Variants in HERC1 observed in about 807,000 individuals in gnomAD.
HERC1 encodes the protein probable E3 ubiquitin-protein ligase HERC1.
Under a neutral mutation model 554.3 loss-of-function variants are expected in HERC1, and 160 were observed. That is an observed-to-expected ratio of 0.29 (90% CI 0.25 to 0.33). The LOEUF is 0.33. Among genes scored for constraint, HERC1 ranks in the 10% least tolerant of loss-of-function variants. HERC1 has a pLI of 1.00. For missense variants in HERC1, 4,919 were observed against 5,918.5 expected (o/e 0.83, Z 5.54); for synonymous variants, 2,175 against 2,131.7 (o/e 1.02, Z -0.56).
At chr15:63,674,186 G>A (rs960002981) in intron 38 of HERC1, among the ~76,000 whole-genome samples, 156 bp downstream of exon 38, 1 of 145,682 alleles carries the variant, frequency 6.9e-6, no homozygotes, top group African/African-American at 2.5e-5. Flanking sequence ...TAATAAAAAA[G>A]AACTGTTTTC....
chr15:63,684,671 C>G (rs1024563816), intron 34 of HERC1, among the ~76,000 whole-genome samples: 1 of 152,102 alleles, frequency 6.6e-6, no homozygotes, highest in Non-Finnish European at 1.5e-5. Context: ...ATCTGTTTTT[C>G]AGAACTGTTC....
intron 76 of HERC1, among the ~76,000 whole-genome samples, chr15:63,613,609 T>G (rs2067695076): frequency 6.6e-6 from 1 of 152,130 alleles, no homozygotes; most frequent in South Asian, 2.1e-4. Flanking sequence ...TTTTACTATC[T>G]ATATGCATAT....
intron 19 of HERC1, among the ~76,000 whole-genome samples, chr15:63,722,852 T>G (rs576453584): frequency 7.2e-5 from 11 of 152,210 alleles, no homozygotes; most frequent in Non-Finnish European, 1.5e-4. Flanking sequence ...CGGTACTACC[T>G]GTGGTTTCAA....
chr15:63,683,135 C>CAAAAAAAA (rs1336396917), intron 34 of HERC1, among the ~76,000 whole-genome samples: 2 of 77,740 alleles, frequency 2.6e-5, no homozygotes, highest in Admixed American at 1.5e-4. Context: ...CACTCTGTCT[C>CAAAAAAAA]AAAAAAAAAA....
intron 8 of HERC1, among the ~76,000 whole-genome samples, chr15:63,750,958 C>G (rs977234254): frequency 6.6e-6 from 1 of 152,074 alleles, no homozygotes; most frequent in African/African-American, 2.4e-5. Context: ...AAAATGAGAA[C>G]ATATATTTGT....
At chr15:63,748,917 G>C (rs2075148717) in intron 10 of HERC1, among the ~76,000 whole-genome samples, 1 of 149,254 alleles carries the variant, frequency 6.7e-6, no homozygotes, top group African/African-American at 2.5e-5. Context: ...CTAAGTTTCT[G>C]CAAAAATTAA....
In HERC1 at chr15:63,641,551, C is replaced by T; in HGVS notation, c.11526G>A (p.Leu3842=). The T allele has an allele frequency of 6.2e-7, 1 of 1,612,236 alleles. No individual in the cohort carries two copies. Among genetic ancestry groups the T allele is most frequent in the Non-Finnish European group, 8.5e-7 (1 of 1,179,096 alleles). The change falls in exon 60 of 78, where the codon CTG becomes CTA. Residue 3842 remains leucine (L), a synonymous_variant. Transcript: ENST00000443617. ...TCATGCAGGGAGCCATGTTCAATCC[C>T]AGAACACCCTGCTGTTTCAATGCTG... ...CRTALKQQGV[L]GLNMAPCMRA... is the part of the protein sequence containing the mutation.
chr15:63,690,186 G>C (rs373656484), intron 32 of HERC1, among the ~76,000 whole-genome samples: 1 of 134,134 alleles, frequency 7.5e-6, no homozygotes, highest in South Asian at 2.4e-4. Context: ...AAAAAAAAAA[G>C]AAATATTAAC....
rs1442378251 is a variant in HERC1, at chr15:63,674,769, T to G, written c.7419A>C (p.Pro2473=). ...TTATTTGATGTTGGGATTCCACACT[T>G]GGCAGTGTTGGATCTAAAGAAAATG... ...IASFSLDPTL[P]SVESQHQITE... Residue 2473 remains proline, a synonymous_variant, in exon 38 of 78, where the codon CCA becomes CCC. Transcript: ENST00000443617. The G allele has an allele frequency of 6.2e-7, 1 of 1,613,970 alleles. No homozygotes were observed. Among genetic ancestry groups the G allele is most frequent in the East Asian group, 2.2e-5 (1 of 44,892 alleles).
intron 30 of HERC1, among the ~76,000 whole-genome samples, chr15:63,693,155 G>T (rs1022853126): frequency 2.0e-5 from 3 of 151,960 alleles, no homozygotes; most frequent in Non-Finnish European, 4.4e-5. Flanking sequence ...TCCAGCCTGG[G>T]TGACAGGGTG....
At chr15:63,625,188 A>C (rs1595844662) in intron 71 of HERC1, among the ~76,000 whole-genome samples, 1 of 152,224 alleles carries the variant, frequency 6.6e-6, no homozygotes, top group East Asian at 1.9e-4. Context: ...GTCCATAAAG[A>C]TAGACAAATC....
At chr15:63,792,043 A>G (rs1428360585) in intron 1 of HERC1, among the ~76,000 whole-genome samples, 1 of 152,216 alleles carries the variant, frequency 6.6e-6, no homozygotes. Flanking sequence ...CAAAAATTCC[A>G]ATAAAGTACA....
chr15:63,738,855 C>A (rs1596114340), intron 12 of HERC1, among the ~76,000 whole-genome samples: 1 of 151,984 alleles, frequency 6.6e-6, no homozygotes, highest in Admixed American at 6.6e-5. Context: ...GTACTTTTAC[C>A]CTTTTCAAAA....
intron 1 of HERC1, among the ~76,000 whole-genome samples, chr15:63,794,992 G>A (rs1405844184): frequency 6.7e-6 from 1 of 150,052 alleles, no homozygotes; most frequent in East Asian, 1.9e-4. Context: ...TTTGAACCTG[G>A]GAGGCGGGGG....
intron 64 of HERC1, chr15:63,636,934 A>T (rs1388190071): frequency 3.2e-6 from 1 of 316,738 alleles, no homozygotes; most frequent in Non-Finnish European, 6.3e-6. Flanking sequence ...CAATGAAAAG[A>T]ACCTGAGCTT....
In HERC1 at chr15:63,713,561, G is replaced by C; in HGVS notation, c.4255C>G (p.Pro1419Ala). The C allele has an allele frequency of 6.2e-7, 1 of 1,613,960 alleles. No homozygotes were observed. Among genetic ancestry groups the C allele is most frequent in the Non-Finnish European group, 8.5e-7 (1 of 1,179,870 alleles). ...GSGARADDPP[P>A]QSQQERRVST... Reference sequence around the variant, plus strand: ...ACCCTTCGCTCTTGCTGAGACTGAGGAGGTGGATCATCAGCTCGAGCCCCA... The same window carrying C: ...ACCCTTCGCTCTTGCTGAGACTGAGCAGGTGGATCATCAGCTCGAGCCCCA... The change falls in exon 23 of 78, where the codon CCT becomes GCT. Residue 1419 changes from proline (P) to alanine (A), a missense_variant. Pro to Ala is a conservative substitution (Grantham distance 27, BLOSUM62 -1). Coordinates refer to ENST00000443617, the MANE Select transcript of HERC1 (RefSeq NM_003922.4).
In HERC1 at chr15:63,661,913, G is replaced by T. The variant is rs747391229; in HGVS notation, c.9010C>A (p.Arg3004Ser). 1.2e-6 allele frequency: 2 copies of T among 1,613,890 alleles called. No homozygotes were observed. Among genetic ancestry groups the T allele is most frequent in the Admixed American group, 3.3e-5 (2 of 60,016 alleles). The stretch of plus-strand genomic sequence containing the variant: ...CGATAGCCCTGGCGGTTTGCACTGC[G>T]CCCACAGCCTGGATGGTTTCTCTTC... Reference protein sequence around the residue: ...HMKRNHPGCGRSANRQGYRSN... With the variant: ...HMKRNHPGCGSSANRQGYRSN... Residue 3004 changes from arginine (R) to serine (S), a missense_variant, in exon 45 of 78, where the codon CGC becomes AGC. Transcript: ENST00000443617.
intron 1 of HERC1, among the ~76,000 whole-genome samples, chr15:63,821,982 TA>T (rs1567163062): frequency 6.6e-6 from 1 of 151,846 alleles, no homozygotes. Flanking sequence ...GCAAGAGAGA[TA>T]GGGGATGTAG....
Position 63,645,052 on chromosome 15 carries a change from A to T in HERC1, c.11124T>A (p.Asp3708Glu), listed in dbSNP as rs1274427143. Reference protein sequence around the residue: ...GLVCVWRIPQDTTQTNVTSAE... With the variant: ...GLVCVWRIPQETTQTNVTSAE... Reference sequence around the variant, plus strand: ...CACTAGTCACATTGGTCTGTGTAGTATCTTGAGGAATGCGCCAAACACATA... The same window carrying T: ...CACTAGTCACATTGGTCTGTGTAGTTTCTTGAGGAATGCGCCAAACACATA... The change falls in exon 57 of 78, where the codon GAT becomes GAA. Residue 3708 changes from aspartate (D) to glutamate (E), a missense_variant. By Grantham distance (45) the Asp-to-Glu change is conservative. This residue lies in a region of HERC1 where 1,963 missense variants were observed against 2,228.6 expected (regional missense o/e 0.88). Transcript: ENST00000443617. 6.2e-7 allele frequency: 1 copy of T among 1,613,892 alleles called. No individual in the cohort carries two copies. Among genetic ancestry groups the T allele is most frequent in the Admixed American group, 1.7e-5 (1 of 60,016 alleles).
Sources: gnomAD v4.1 joint callset for allele counts (sites outside exome capture counted in the v4.1 genomes callset) on GRCh38, gnomAD v4.1.1 for gene constraint, gnomAD v4.1.1 regional missense constraint, MANE v1.5 for transcripts, NCBI Gene and HGNC (gene_info 2026-07-23, HGNC 2026-07-21) for gene names.